The following KAT6A variants were observed in gnomAD, a reference collection of about 807,000 sequenced individuals.
KAT6A encodes lysine acetyltransferase 6A.
KAT6A carries 9 observed loss-of-function variants against 198.4 expected under a neutral mutation model. The observed-to-expected ratio is 0.05, with a 90% CI of 0.03 to 0.08. The LOEUF is 0.08. KAT6A is among the 10% of genes least tolerant of loss of function. The probability of loss-of-function intolerance (pLI) is 1.00; values close to 1 mark genes in which losing one functional copy is unlikely to be tolerated. For synonymous variants in KAT6A, 890 were observed against 883.0 expected (o/e 1.01, Z -0.14); for missense variants, 2,077 against 2,509.9 (o/e 0.83, Z 3.69).
intron 10 of KAT6A, among the ~76,000 whole-genome samples, chr8:41,948,270 A>AT (rs1822494457): frequency 6.6e-6 from 1 of 152,264 alleles, no homozygotes; most frequent in Non-Finnish European, 1.5e-5. Flanking sequence ...AAAGATCTAA[A>AT]TACAACCCTT....
rs370941849 is a variant in KAT6A, at chr8:41,933,183, C to T, written c.5037G>A (p.Pro1679=). The T allele has an allele frequency of 2.1e-5, 33 of 1,589,030 alleles. No individual in the cohort carries two copies. Among genetic ancestry groups the T allele is most frequent in the Admixed American group, 1.9e-4 (11 of 57,292 alleles). The change falls in exon 17 of 17, where the codon CCG becomes CCA. Residue 1679 remains proline, a synonymous_variant. Transcript: ENST00000265713. This position sits in a 1 kb window ranked among gnomAD's most constrained non-coding sequence, Gnocchi z 6.2. ...APQPPPPQQQ[P]QQQPQPQPQQ... The stretch of plus-strand genomic sequence containing the variant: ...GGGGCTGAGGCTGCGGCTGCTGTTG[C>T]GGCTGCTGCTGGGGTGGTGGAGGCT...
intron 2 of KAT6A, among the ~76,000 whole-genome samples, chr8:42,032,264 T>G (rs1827169009): frequency 6.6e-6 from 1 of 152,164 alleles, no homozygotes; most frequent in Admixed American, 6.5e-5. Flanking sequence ...TTTATTACCT[T>G]AACTATATAA....
intron 16 of KAT6A, among the ~76,000 whole-genome samples, chr8:41,936,624 G>C (rs146485011): frequency 6.6e-6 from 1 of 152,132 alleles, no homozygotes; most frequent in Non-Finnish European, 1.5e-5. Context: ...TGACAACTAG[G>C]CTGCTTTAAA....
chr8:41,985,249 G>A (rs570952254), intron 3 of KAT6A, among the ~76,000 whole-genome samples: 3 of 152,080 alleles, frequency 2.0e-5, no homozygotes, highest in Non-Finnish European at 4.4e-5. Context: ...CATGATTTAC[G>A]GTTTATATTT....
At chr8:41,944,074 A>G in intron 12 of KAT6A, 95 bp from the exon 13 acceptor site, 2 of 775,818 alleles carry the variant, frequency 2.6e-6, no homozygotes, top group Non-Finnish European at 4.2e-6. Context: ...ACAACCAAGA[A>G]TAACTCCAAA....
At chr8:42,026,459 C>T (rs1026225019) in intron 2 of KAT6A, among the ~76,000 whole-genome samples, 1 of 151,940 alleles carries the variant, frequency 6.6e-6, no homozygotes, top group Non-Finnish European at 1.5e-5. Context: ...ATCACTGTTA[C>T]AGTTTCCCTT....
Position 42,010,112 on chromosome 8 carries a change from C to T in KAT6A, c.601-22549G>A, listed in dbSNP as rs183723986. On this transcript the variant is annotated intron_variant, in intron 2 of 16. Transcript: ENST00000265713. ...TTGAGGTCAGGAGTTCAAGACCAGT[C>T]TGGCAAACATTGTGAAACCCTGTCT... Among the ~76,000 whole-genome samples, 120 of 152,144 alleles carry T rather than the reference C, an allele frequency of 7.9e-4. 1 individual carries two copies. The Middle Eastern group carries it at 0.024, about 30-fold the overall frequency.
chr8:41,942,798 T>A lies in KAT6A; in HGVS notation c.2431A>T (p.Ile811Phe), dbSNP rs1186141863. 1.2e-6 allele frequency: 2 copies of A among 1,614,154 alleles called. No individual in the cohort carries two copies. Among genetic ancestry groups the A allele is most frequent in the East Asian group, 2.2e-5 (1 of 44,890 alleles). The change falls in exon 14 of 17, where the codon ATC (isoleucine) becomes TTC (phenylalanine). Residue 811 changes from isoleucine (I) to phenylalanine (F), a missense_variant. Ile to Phe is a conservative substitution (Grantham distance 21). This residue lies in a region of KAT6A where 301 missense variants were observed against 272.2 expected (regional missense o/e 1.11). Transcript: ENST00000265713. ...EPQCQERELEISVGKSVSHEN... is the reference protein window; with the variant it reads ...EPQCQERELEFSVGKSVSHEN... ...GAGACTATTCATGCCCTTACACTGA[T>A]CTCTAATTCTCTTTCCTGGCACTGT...
At chr8:41,941,838 C>T (rs1405489958) in intron 14 of KAT6A, among the ~76,000 whole-genome samples, 1 of 152,108 alleles carries the variant, frequency 6.6e-6, no homozygotes, top group Non-Finnish European at 1.5e-5. Flanking sequence ...AAAGTGAATA[C>T]TATTGTTCTT....
chr8:41,934,879 G>C lies in KAT6A; in HGVS notation c.3353-12C>G. On this transcript the variant is annotated splice_polypyrimidine_tract_variant and intron_variant, in intron 16 of 16. Coordinates refer to ENST00000265713, the MANE Select transcript of KAT6A (RefSeq NM_006766.5). ...TAAGATAGGAGTGTCTATACAGGAA[G>C]GAAAAAAAACAAAGACAGGTTACAA... 2 of 1,564,170 alleles carry C rather than the reference G, an allele frequency of 1.3e-6. No homozygotes were observed. Among genetic ancestry groups the C allele is most frequent in the South Asian group, 2.4e-5 (2 of 82,784 alleles).
At chr8:41,969,805 T>G (rs1158257722) in intron 8 of KAT6A, among the ~76,000 whole-genome samples, 2 of 152,134 alleles carry the variant, frequency 1.3e-5, no homozygotes, top group African/African-American at 4.8e-5. Context: ...TGTATTTGAG[T>G]TACACTGAAC....
At chr8:41,944,109 AG>A (rs1822267842) in intron 12 of KAT6A, 130 bp from the exon 13 acceptor site, 8 of 626,310 alleles carry the variant, frequency 1.3e-5, no homozygotes, top group Non-Finnish European at 1.9e-5. Flanking sequence ...AAAAAAAAAA[AG>A]AGAGAAACAA....
At chr8:41,944,927 TG>T (rs1433721098) in intron 12 of KAT6A, among the ~76,000 whole-genome samples, 1 of 152,198 alleles carries the variant, frequency 6.6e-6, no homozygotes, top group Non-Finnish European at 1.5e-5. Context: ...CAATAAAATA[TG>T]GACAGAAGGA....
intron 2 of KAT6A, among the ~76,000 whole-genome samples, chr8:42,036,221 C>G (rs1240048910): frequency 6.6e-6 from 1 of 151,980 alleles, no homozygotes; most frequent in Non-Finnish European, 1.5e-5. Context: ...AGACTATACA[C>G]AGACATACAT....
At chr8:41,970,274 G>C (rs1369450415) in intron 8 of KAT6A, among the ~76,000 whole-genome samples, 1 of 152,162 alleles carries the variant, frequency 6.6e-6, no homozygotes, top group Non-Finnish European at 1.5e-5. Context: ...GCATGAACTA[G>C]ACTTCCAAGA....
intron 9 of KAT6A, among the ~76,000 whole-genome samples, chr8:41,950,728 A>G (rs1209880431): frequency 6.6e-6 from 1 of 152,218 alleles, no homozygotes; most frequent in Non-Finnish European, 1.5e-5. Context: ...ATAAATGCCA[A>G]CTTTAAGGGC....
intron 2 of KAT6A, among the ~76,000 whole-genome samples, chr8:42,018,268 GC>G (rs924835546): frequency 4.6e-5 from 7 of 152,190 alleles, no homozygotes; most frequent in Non-Finnish European, 8.8e-5. Context: ...AGGCACGGTG[GC>G]TCACACCTGT....
chr8:41,946,188 C>G (rs1010731671), intron 12 of KAT6A, among the ~76,000 whole-genome samples: 1 of 152,092 alleles, frequency 6.6e-6, no homozygotes, highest in Non-Finnish European at 1.5e-5. Context: ...CAGCTTCAAC[C>G]TCCTGGGCAC....
At chr8:41,974,061 T>G (rs936903375) in intron 8 of KAT6A, among the ~76,000 whole-genome samples, 17 of 152,140 alleles carry the variant, frequency 1.1e-4, no homozygotes, top group African/African-American at 3.9e-4. Flanking sequence ...GATCTTGCCA[T>G]GTGTCACAAA....
Sources: allele counts gnomAD v4.1 joint callset (sites outside exome capture counted in the v4.1 genomes callset), GRCh38; gene constraint gnomAD v4.1.1; regional missense constraint gnomAD v4.1.1; non-coding constraint Gnocchi (gnomAD v3.1); transcripts MANE v1.5; gene names NCBI Gene and HGNC (gene_info 2026-07-23, HGNC 2026-07-21).